The following MCTP2 variants were observed in gnomAD, a reference collection of about 807,000 sequenced individuals.
The protein encoded by MCTP2 is multiple C2 and transmembrane domain-containing protein 2.
A neutral mutation model predicts 111.6 loss-of-function variants in MCTP2; 132 were observed. The ratio of observed to expected loss-of-function variants is 1.18; its 90% CI spans 1.03 to 1.37. MCTP2 has a LOEUF of 1.37. Ranked by LOEUF, MCTP2 falls within the 40% of genes most tolerant of loss-of-function variation. The pLI is 0.00. For synonymous variants in MCTP2, 395 were observed against 387.7 expected, an observed-to-expected ratio of 1.02 and a Z score of -0.22; for missense variants, 1,183 against 1,067.9, an observed-to-expected ratio of 1.11 and a Z score of -1.50.
chr15:94,243,148 T>C lies in MCTP2; in HGVS notation c.-66+11484T>C, dbSNP rs1006243227. 4.7e-5 allele frequency among the ~76,000 whole-genome samples: 7 copies of C among 147,884 alleles called. 2 individuals are homozygous for C. Among genetic ancestry groups the C allele is most frequent in the Non-Finnish European group, 1.1e-4 (7 of 66,166 alleles). Reference sequence around the variant, plus strand: ...GTATCTACGGGTGTGGATATATTTATATACGTGTGTGTATATACATACGTA... The same window carrying C: ...GTATCTACGGGTGTGGATATATTTACATACGTGTGTGTATATACATACGTA... On this transcript the variant is annotated intron_variant, in intron 1 of 22. Transcript: ENST00000357742.
At chr15:94,356,018 C>T (rs1241090065) in intron 8 of MCTP2, 119 bp from the exon 9 acceptor site, 1 of 1,375,824 alleles carries the variant, frequency 7.3e-7, no homozygotes, top group African/African-American at 1.5e-5. Flanking sequence ...ACAGTTTTCC[C>T]CAGGCAGGGA....
chr15:94,308,648 G>A (rs1395396593), intron 2 of MCTP2, among the ~76,000 whole-genome samples: 1 of 152,192 alleles, frequency 6.6e-6, no homozygotes, highest in Non-Finnish European at 1.5e-5. Flanking sequence ...AAAACTTACG[G>A]CAGGTCAGTG....
chr15:94,469,836 C>T (rs962164443), intron 20 of MCTP2, among the ~76,000 whole-genome samples: 6 of 151,840 alleles, frequency 4.0e-5, no homozygotes, highest in Non-Finnish European at 5.9e-5. Context: ...TGCATCACTG[C>T]TCTACAGCCT....
chr15:94,364,220 A>G (rs1475642456), intron 10 of MCTP2, among the ~76,000 whole-genome samples: 2 of 152,084 alleles, frequency 1.3e-5, no homozygotes, highest in African/African-American at 4.8e-5. Flanking sequence ...ATTTGTTTAC[A>G]TTGTCTGTTA....
intron 20 of MCTP2, among the ~76,000 whole-genome samples, chr15:94,466,385 T>C (rs1250822362): frequency 6.6e-6 from 1 of 152,158 alleles, no homozygotes; most frequent in Non-Finnish European, 1.5e-5. Context: ...TTAAGTCACC[T>C]TGGGATACTA....
intron 1 of MCTP2, among the ~76,000 whole-genome samples, chr15:94,257,713 A>T (rs2072909562): frequency 6.7e-6 from 1 of 149,336 alleles, no homozygotes; most frequent in South Asian, 2.1e-4. Flanking sequence ...CAGCTTCCTG[A>T]GTAGCTGGGA....
At chr15:94,356,418 C>A (rs565715540) in intron 9 of MCTP2, 117 bp downstream of exon 9, 3 of 956,842 alleles carry the variant, frequency 3.1e-6, no homozygotes, top group Non-Finnish European at 4.4e-6. Flanking sequence ...GCCCGCCTAA[C>A]TATATTAAAG....
chr15:94,402,420 A>C, intron 17 of MCTP2: 2 of 1,529,356 alleles, frequency 1.3e-6, no homozygotes, highest in Non-Finnish European at 1.8e-6. Flanking sequence ...CTTTGATATT[A>C]AAGATGTTTA....
At chr15:94,382,622 G>A (rs2080208184) in intron 12 of MCTP2, among the ~76,000 whole-genome samples, 1 of 152,244 alleles carries the variant, frequency 6.6e-6, no homozygotes, top group Admixed American at 6.5e-5. Flanking sequence ...TTGATGTGCT[G>A]TACCTCAGAG....
intron 11 of MCTP2, among the ~76,000 whole-genome samples, chr15:94,368,827 A>G (rs994332048): frequency 1.1e-4 from 16 of 152,240 alleles, no homozygotes; most frequent in African/African-American, 3.1e-4. Context: ...TTGTGTGTTT[A>G]TAAAGGAACA....
At chr15:94,305,269 C>A (rs1391072477) in intron 2 of MCTP2, among the ~76,000 whole-genome samples, 1 of 152,192 alleles carries the variant, frequency 6.6e-6, no homozygotes, top group Admixed American at 6.5e-5. Flanking sequence ...ATGGAGTCAT[C>A]TGCAAGGCAG....
chr15:94,437,688 C>T (rs923550304), intron 17 of MCTP2, among the ~76,000 whole-genome samples: 2 of 151,840 alleles, frequency 1.3e-5, no homozygotes, highest in Non-Finnish European at 2.9e-5. Flanking sequence ...TCATTTTGAG[C>T]GTGTAATAAG....
At chr15:94,321,084 A>G (rs754052543) in intron 4 of MCTP2, among the ~76,000 whole-genome samples, 14 of 152,312 alleles carry the variant, frequency 9.2e-5, no homozygotes, top group South Asian at 4.1e-4. Flanking sequence ...AATATCCCAT[A>G]TTCTGACTCA....
chr15:94,303,914 T>C (rs974560522), intron 2 of MCTP2, among the ~76,000 whole-genome samples: 12 of 152,254 alleles, frequency 7.9e-5, no homozygotes, highest in South Asian at 6.2e-4. Context: ...TCTGGAGAAA[T>C]CTGTAGAGAG....
At chr15:94,292,957 G>A (rs769542707) in intron 1 of MCTP2, 1 of 152,060 alleles carries the variant, frequency 6.6e-6, no homozygotes, top group Non-Finnish European at 1.5e-5. Context: ...AAGTACAAGA[G>A]CAATTCAGTG....
At chr15:94,402,780 A>T (rs1372324686) in intron 17 of MCTP2, 1 of 1,414,952 alleles carries the variant, frequency 7.1e-7, no homozygotes, top group African/African-American at 1.4e-5. Context: ...AAATCTTTGT[A>T]TATTTGGTAT....
chr15:94,242,544 G>C (rs2071051947), intron 1 of MCTP2, among the ~76,000 whole-genome samples: 1 of 151,980 alleles, frequency 6.6e-6, no homozygotes, highest in Non-Finnish European at 1.5e-5. Flanking sequence ...GGATGAGAAA[G>C]CATGGTAGGA....
At chr15:94,300,224 A>G (rs1216256074) in intron 2 of MCTP2, among the ~76,000 whole-genome samples, 3 of 151,958 alleles carry the variant, frequency 2.0e-5, no homozygotes, top group Admixed American at 1.3e-4. Flanking sequence ...TTTTATTGTC[A>G]TGGCCGGGCA....
At position 94,369,879 on chromosome 15, in the gene MCTP2, G is replaced by A. The variant is rs537528317; in HGVS notation, c.1489-208G>A. The stretch of plus-strand genomic sequence containing the variant: ...CTAATTGGTTTATTTTAAAGCTGTC[G>A]TTAACTAATTCTCAGTCACTTTTCT... On this transcript the variant is annotated intron_variant, in intron 11 of 22. Transcript: ENST00000357742. Among the ~76,000 whole-genome samples the A allele has an allele frequency of 4.6e-4, 70 of 152,160 alleles. No homozygotes were observed. In the South Asian group the frequency reaches 0.012, roughly 26 times the overall value.
Sources: allele counts gnomAD v4.1 joint callset (sites outside exome capture counted in the v4.1 genomes callset), GRCh38; gene constraint gnomAD v4.1.1; transcripts MANE v1.5; gene names NCBI Gene and HGNC (gene_info 2026-07-23, HGNC 2026-07-21).